Variants in CACNA1C observed in about 807,000 individuals in gnomAD.
CACNA1C encodes calcium voltage-gated channel subunit alpha1 C.
In CACNA1C, 30 loss-of-function variants were observed where a neutral mutation model predicts 229.0. That is an observed-to-expected ratio of 0.13 (90% CI 0.10 to 0.18). CACNA1C has a LOEUF of 0.18. CACNA1C is among the 10% of genes least tolerant of loss of function. CACNA1C has a pLI of 1.00. For missense variants in CACNA1C, 1,658 were observed against 2,845.0 expected, an observed-to-expected ratio of 0.58 and a Z score of 9.49; for synonymous variants, 1,114 against 1,132.5, an observed-to-expected ratio of 0.98 and a Z score of 0.33.
At chr12:2,223,136 A>G (rs1475862792) in intron 3 of CACNA1C, among the ~76,000 whole-genome samples, 1 of 152,144 alleles carries the variant, frequency 6.6e-6, no homozygotes, top group Non-Finnish European at 1.5e-5. Context: ...GCTCTGCAAG[A>G]CTCATAGCAT....
Position 2,641,820 on chromosome 12 carries a change from T to TC in CACNA1C, c.3913-6649dup, listed in dbSNP as rs1603251083. ...ATTACTTTTGTGAGGTCCCTCCCCA[T>TC]CCCCCCACAAAGGCTGTTTTCTACT... is the stretch of plus-strand genomic sequence containing the variant. On this transcript the variant is annotated intron_variant, in intron 30 of 46. Transcript: ENST00000399655. The TC allele has an allele frequency of 1.3e-5, 9 of 701,076 alleles. No homozygotes were observed. The East Asian group carries it at 1.9e-4, about 15-fold the overall frequency. 43.4% of individuals were successfully genotyped at this position (701,076 alleles called of 1,614,324 possible). A position where few individuals can be genotyped will look rare whatever the true frequency, so the allele number is the denominator to read the frequency against.
At chr12:2,398,257 G>A (rs1397136686) in intron 3 of CACNA1C, among the ~76,000 whole-genome samples, 6 of 152,196 alleles carry the variant, frequency 3.9e-5, no homozygotes, top group Non-Finnish European at 1.5e-5. Flanking sequence ...CCCTCCCCTG[G>A]AGAATCCCTC....
chr12:2,434,795 C>T (rs556981911), intron 3 of CACNA1C, among the ~76,000 whole-genome samples: 1 of 152,202 alleles, frequency 6.6e-6, no homozygotes, highest in African/African-American at 2.4e-5. Flanking sequence ...CATTTTCTCA[C>T]TCTGTCTTTT....
At position 2,323,287 on chromosome 12, in the gene CACNA1C, A is replaced by T. The variant is rs2096111838; in HGVS notation, c.478-125689A>T. On this transcript the variant is annotated intron_variant, in intron 3 of 46. Coordinates refer to ENST00000399655, the MANE Select transcript of CACNA1C (RefSeq NM_000719.7). ...ACAATCCAGAAAATAATAATTTTTT[A>T]AAAAGTATTTCAGCAGCCTTCACTG... Among the ~76,000 whole-genome samples, 5 of 152,328 alleles carry T rather than the reference A, an allele frequency of 3.3e-5. No homozygotes were observed. In the South Asian group the frequency reaches 8.3e-4, roughly 25 times the overall value.
chr12:2,671,709 C>T (rs1317167058), intron 38 of CACNA1C, among the ~76,000 whole-genome samples: 1 of 152,202 alleles, frequency 6.6e-6, no homozygotes, highest in Non-Finnish European at 1.5e-5. Context: ...AAAGACTGAC[C>T]AGTCAAATGC....
At chr12:2,483,313 A>T (rs528205008) in intron 5 of CACNA1C, among the ~76,000 whole-genome samples, 4 of 152,362 alleles carry the variant, frequency 2.6e-5, no homozygotes, top group South Asian at 4.1e-4. Flanking sequence ...ACTTTCAGCT[A>T]CAAAGTGACA....
intron 1 of CACNA1C, among the ~76,000 whole-genome samples, chr12:2,080,743 T>G (rs748337905): frequency 2.0e-5 from 3 of 152,190 alleles, no homozygotes; most frequent in Non-Finnish European, 4.4e-5. Flanking sequence ...ATAAATAACT[T>G]AATGGATGGA....
chr12:2,027,068 T>G (rs1455031560), intron 1 of CACNA1C, among the ~76,000 whole-genome samples: 1 of 152,212 alleles, frequency 6.6e-6, no homozygotes, highest in East Asian at 1.9e-4. Context: ...TTAAAATGGT[T>G]ATTTTTTTGT....
chr12:2,425,180 A>C (rs1686230692), intron 3 of CACNA1C, among the ~76,000 whole-genome samples: 1 of 152,276 alleles, frequency 6.6e-6, no homozygotes, highest in Non-Finnish European at 1.5e-5. Context: ...TAGTACAGCT[A>C]TTCCTGCTAC....
intron 4 of CACNA1C, among the ~76,000 whole-genome samples, chr12:2,450,421 G>A (rs1395313271): frequency 3.3e-5 from 5 of 151,664 alleles, no homozygotes; most frequent in East Asian, 3.9e-4. Flanking sequence ...GGGCGAGGTG[G>A]CGGGCGCCTG....
At chr12:2,169,053 C>T (rs1391291874) in intron 3 of CACNA1C, among the ~76,000 whole-genome samples, 2 of 152,138 alleles carry the variant, frequency 1.3e-5, no homozygotes, top group African/African-American at 4.8e-5. Flanking sequence ...CAGCCGCTCG[C>T]CTTCAGCATG....
chr12:2,658,178 T>G (rs2095520962), intron 34 of CACNA1C, among the ~76,000 whole-genome samples: 1 of 152,108 alleles, frequency 6.6e-6, no homozygotes, highest in Non-Finnish European at 1.5e-5. Flanking sequence ...CTCAGAAACA[T>G]TCACAAAAAT....
At chr12:2,546,972 T>C (rs910845425) in intron 9 of CACNA1C, among the ~76,000 whole-genome samples, 1 of 152,132 alleles carries the variant, frequency 6.6e-6, no homozygotes, top group Non-Finnish European at 1.5e-5. Context: ...AGGTGAAAGT[T>C]TTGCATTGTG....
chr12:2,254,201 G>A (rs370549624), intron 3 of CACNA1C, among the ~76,000 whole-genome samples: 11 of 152,136 alleles, frequency 7.2e-5, no homozygotes, highest in East Asian at 1.9e-4. Context: ...CTCACCACTC[G>A]AGAGCCCCTA....
chr12:2,195,934 G>A (rs2097389316), intron 3 of CACNA1C, among the ~76,000 whole-genome samples: 1 of 152,186 alleles, frequency 6.6e-6, no homozygotes, highest in Non-Finnish European at 1.5e-5. Flanking sequence ...AGGCCACGTG[G>A]TCCGAGCTCC....
At chr12:2,327,747 A>G (rs2096382981) in intron 3 of CACNA1C, among the ~76,000 whole-genome samples, 1 of 152,228 alleles carries the variant, frequency 6.6e-6, no homozygotes, top group Non-Finnish European at 1.5e-5. Flanking sequence ...GTGAACTTGG[A>G]AGGTTGCCTT....
chr12:2,001,037 CAA>C (rs55946150), intron 1 of CACNA1C, among the ~76,000 whole-genome samples: 2,363 of 124,324 alleles, frequency 0.019, 56 homozygotes, highest in African/African-American at 0.063. Flanking sequence ...GACTTCGTCT[CAA>C]AAAAAAAAAA....
In CACNA1C at chr12:2,181,504, G is replaced by T. The variant is rs79731981; in HGVS notation, c.477+61074G>T. 9.0e-3 allele frequency among the ~76,000 whole-genome samples: 1,372 copies of T among 152,234 alleles called. 24 individuals carry two copies. Among genetic ancestry groups the T allele is most frequent in the African/African-American group, 0.03 (1,266 of 41,522 alleles). ...TTCCAAAACTCAGTTGCTGAAAGGC[G>T]TAATAGGGGAGCGCAGATTTGAGGG... On this transcript the variant is annotated intron_variant, in intron 3 of 46. Coordinates refer to ENST00000399655, the MANE Select transcript of CACNA1C (RefSeq NM_000719.7). The surrounding 1 kb of genome is among the most constrained non-coding windows in gnomAD (Gnocchi z 4.0).
intron 1 of CACNA1C, among the ~76,000 whole-genome samples, chr12:2,075,107 A>G (rs923855267): frequency 1.3e-5 from 2 of 152,226 alleles, no homozygotes; most frequent in Non-Finnish European, 2.9e-5. Context: ...TAGAGCCATG[A>G]CAGCCAACAT....
Sources: allele counts gnomAD v4.1 joint callset (sites outside exome capture counted in the v4.1 genomes callset), GRCh38; gene constraint gnomAD v4.1.1; non-coding constraint Gnocchi (gnomAD v3.1); transcripts MANE v1.5; gene names NCBI Gene and HGNC (gene_info 2026-07-23, HGNC 2026-07-21).